The following VRK3 variants were observed in gnomAD, a reference collection of about 807,000 sequenced individuals.
The protein encoded by VRK3 is serine/threonine-protein kinase VRK3.
A neutral mutation model predicts 60.4 loss-of-function variants in VRK3; 50 were observed. The observed-to-expected ratio is 0.83, with a 90% CI of 0.66 to 1.05. The LOEUF (loss-of-function observed/expected upper bound fraction) is 1.05. Ranked by LOEUF, VRK3 falls within the 50% of genes least tolerant of loss-of-function variation. VRK3 has a pLI of 0.00. For missense variants in VRK3, 549 were observed against 585.3 expected (o/e 0.94, Z 0.64); for synonymous variants, 246 against 227.8 (o/e 1.08, Z -0.72).
chr19:49,993,031 C>A (rs1052724360), intron 9 of VRK3, 79 bp from the exon 10 acceptor site: 5 of 1,309,826 alleles, frequency 3.8e-6, no homozygotes, highest in South Asian at 1.2e-5. Flanking sequence ...CAGGAGGGAG[C>A]CCCACTATTA....
chr19:49,980,739 CCT>C (rs1446207693), intron 13 of VRK3, among the ~76,000 whole-genome samples: 4 of 151,638 alleles, frequency 2.6e-5, no homozygotes, highest in Admixed American at 2.0e-4. Flanking sequence ...AAAAAATTAC[CCT>C]GTCTTCAAAA....
intron 8 of VRK3, 48 bp downstream of exon 8, chr19:49,995,140 GGAA>G: frequency 6.3e-7 from 1 of 1,583,840 alleles, no homozygotes; most frequent in Non-Finnish European, 8.7e-7. Context: ...AGTCACAACA[GGAA>G]GAAGAGGAAA....
At position 50,007,697 on chromosome 19, in the gene VRK3, A is replaced by G; in HGVS notation, c.419T>C (p.Leu140Pro). ...TGAGGTGGTCACTCGGCTCCGCTTC[A>G]GCGTCTGAGGGCTCTGCCTGGTCTT... ...PQKTRQSPQTLKRSRVTTSLE... is the reference protein window; with the variant it reads ...PQKTRQSPQTPKRSRVTTSLE... Residue 140 changes from leucine to proline, a missense_variant, in exon 5 of 15, where the codon CTG becomes CCG. By Grantham distance (98) the Leu-to-Pro change is moderately conservative. Coordinates refer to ENST00000316763, the MANE Select transcript of VRK3 (RefSeq NM_016440.4). 6.2e-7 allele frequency: 1 copy of G among 1,614,128 alleles called. No individual in the cohort carries two copies. Among genetic ancestry groups the G allele is most frequent in the East Asian group, 2.2e-5 (1 of 44,880 alleles).
rs1463621856 is a variant in VRK3, at chr19:49,989,729, T to C, written c.1006A>G (p.Ser336Gly). The change falls in exon 11 of 15, where the codon AGT (serine) becomes GGT (glycine). Residue 336 changes from serine to glycine, a missense_variant. Transcript: ENST00000316763. ...GYGFAFRYCP[S>G]GKHVAYVEGS... ...TCCACGTAGGCCACGTGTTTGCCAC[T>C]TGGGCAATAGCGGAAGGCGAAGCCA... 1 of 1,613,772 alleles carries C rather than the reference T, an allele frequency of 6.2e-7. No homozygotes were observed. Among genetic ancestry groups the C allele is most frequent in the Non-Finnish European group, 8.5e-7 (1 of 1,179,774 alleles).
chr19:49,977,176 T>G (rs1600638331), intron 14 of VRK3, among the ~76,000 whole-genome samples: 1 of 144,206 alleles, frequency 6.9e-6, no homozygotes, highest in East Asian at 2.0e-4. Flanking sequence ...GGTTCCGGGG[T>G]GGGGTCCAGC....
intron 3 of VRK3, among the ~76,000 whole-genome samples, chr19:50,009,837 C>G (rs1036292658): frequency 7.2e-5 from 11 of 152,146 alleles, no homozygotes; most frequent in Admixed American, 1.3e-4. Context: ...GATGGGGTTT[C>G]ACCATGTTGG....
At chr19:49,979,913 G>A (rs1338514309) in intron 13 of VRK3, among the ~76,000 whole-genome samples, 1 of 151,974 alleles carries the variant, frequency 6.6e-6, no homozygotes, top group African/African-American at 2.4e-5. Flanking sequence ...AGCCACACAT[G>A]GTGGCGGGTG....
At chr19:49,989,243 C>T (rs1467262592) in intron 11 of VRK3, among the ~76,000 whole-genome samples, 3 of 152,194 alleles carry the variant, frequency 2.0e-5, no homozygotes, top group Non-Finnish European at 4.4e-5. Context: ...ATCCCATCCT[C>T]TCCCAGGGCT....
In VRK3 at chr19:49,983,798, G is replaced by C. The variant is rs776565507; in HGVS notation, c.1218-2785C>G. On this transcript the variant is annotated intron_variant, in intron 12 of 14. Coordinates refer to ENST00000316763, the MANE Select transcript of VRK3 (RefSeq NM_016440.4). Reference sequence around the variant, plus strand: ...GGCACCTTAGGGTGCCAGGAAACGAGCATGTAGCAACATCGCCCCCTTGTG... The same window carrying C: ...GGCACCTTAGGGTGCCAGGAAACGACCATGTAGCAACATCGCCCCCTTGTG... Among the ~76,000 whole-genome samples the C allele has an allele frequency of 2.2e-4, 34 of 152,208 alleles. 1 individual carries two copies. Among genetic ancestry groups the C allele is most frequent in the South Asian group, 2.1e-4 (1 of 4,830 alleles).
chr19:50,011,616 C>T (rs957844439), intron 3 of VRK3, among the ~76,000 whole-genome samples: 1 of 151,628 alleles, frequency 6.6e-6, no homozygotes, highest in South Asian at 2.1e-4. Context: ...CATGGTCCTG[C>T]CTGTCTTCCC....
chr19:49,981,801 C>G, intron 12 of VRK3: 2 of 1,100,750 alleles, frequency 1.8e-6, no homozygotes, highest in Non-Finnish European at 2.2e-6. Flanking sequence ...CAGACACACA[C>G]ACACACACAC....
rs113786199 is a variant in VRK3 at position 50,007,568 on chromosome 19, C to T, written c.547+1G>A. 3 of 1,614,070 alleles carry T rather than the reference C, an allele frequency of 1.9e-6. No individual in the cohort carries two copies. The African/African-American group carries it at 4.0e-5, about 22-fold the overall frequency. On this transcript the variant is annotated splice_donor_variant, in intron 5 of 14. Coordinates refer to ENST00000316763, the MANE Select transcript of VRK3 (RefSeq NM_016440.4). LOFTEE classifies it high-confidence loss of function. ...CCTGGCCGCCCATGGACAGAGTGTA[C>T]CTTCATAGAGAATGCCCTGGTTGTC...
Position 50,016,095 on chromosome 19 carries a change from CCACAGTAGGGGCAGAATTTG to C in VRK3, c.48_67del (p.Phe16LeufsTer35), listed in dbSNP as rs2077072092. On this transcript the variant is annotated frameshift_variant, in exon 3 of 15. Coordinates refer to ENST00000316763, the MANE Select transcript of VRK3 (RefSeq NM_016440.4). LOFTEE classifies it high-confidence loss of function. Reference sequence around the variant, plus strand: ...ATGCTCCTCTACAGGCAAAGAATTTCCACAGTAGGGGCAGAATTTGAATGCCGCTTGGATACTTTTGCCAC... The same window carrying C: ...ATGCTCCTCTACAGGCAAAGAATTTCAATGCCGCTTGGATACTTTTGCCAC... The C allele has an allele frequency of 6.2e-7, 1 of 1,614,186 alleles. No homozygotes were observed.
chr19:50,011,900 C>T (rs2077000598), intron 3 of VRK3, among the ~76,000 whole-genome samples: 2 of 152,278 alleles, frequency 1.3e-5, no homozygotes, highest in South Asian at 2.1e-4. Context: ...TGGCTCCCCT[C>T]GCCTCACCTC....
chr19:49,998,560 G>C (rs1039251479), intron 6 of VRK3: 1 of 151,252 alleles, frequency 6.6e-6, no homozygotes, highest in Non-Finnish European at 1.5e-5. Flanking sequence ...GAGTCAAACA[G>C]ATCTAGGTTC....
chr19:50,009,059 G>A (rs16981659), intron 4 of VRK3, among the ~76,000 whole-genome samples, 177 bp downstream of exon 4: 7,913 of 152,152 alleles, frequency 0.052, 675 homozygotes, highest in African/African-American at 0.18. Context: ...CCCATCTGGG[G>A]CCATATAGAG....
chr19:50,008,113 C>A (rs2076930322), intron 4 of VRK3, among the ~76,000 whole-genome samples: 1 of 151,978 alleles, frequency 6.6e-6, no homozygotes, highest in African/African-American at 2.4e-5. Context: ...GATATTAGGG[C>A]CCAAAAGAGA....
chr19:49,994,258 A>C (rs2076662181), intron 9 of VRK3, among the ~76,000 whole-genome samples: 1 of 152,028 alleles, frequency 6.6e-6, no homozygotes, highest in Non-Finnish European at 1.5e-5. Context: ...TTGATTCACT[A>C]TTGGCCCCTC....
In VRK3 at chr19:49,997,492, C is replaced by T. The variant is rs753195367; in HGVS notation, c.679+12G>A. 6.2e-7 allele frequency: 1 copy of T among 1,613,630 alleles called. No individual in the cohort carries two copies. Among genetic ancestry groups the T allele is most frequent in the African/African-American group, 1.3e-5 (1 of 75,024 alleles). On this transcript the variant is annotated intron_variant, in intron 7 of 14. Coordinates refer to ENST00000316763, the MANE Select transcript of VRK3 (RefSeq NM_016440.4). ...TCACTCTCCCCTCCTTGCCCAGTTCCCTGTCAGGTACCTTGCAGAGGCTTG... is the reference window on the plus strand; with the variant it reads ...TCACTCTCCCCTCCTTGCCCAGTTCTCTGTCAGGTACCTTGCAGAGGCTTG...
Sources: gnomAD v4.1 joint callset for allele counts (sites outside exome capture counted in the v4.1 genomes callset) on GRCh38, gnomAD v4.1.1 for gene constraint, MANE v1.5 for transcripts, NCBI Gene and HGNC (gene_info 2026-07-23, HGNC 2026-07-21) for gene names.